KCNT2: variants seen among roughly 807,000 people sequenced by gnomAD.
KCNT2 encodes potassium channel subfamily T member 2.
A neutral mutation model predicts 153.8 loss-of-function variants in KCNT2; 67 were observed. The observed-to-expected ratio is 0.44, with a 90% CI of 0.36 to 0.53. The LOEUF (loss-of-function observed/expected upper bound fraction) is 0.53, where lower values mean the gene tolerates loss of function less well. Among genes scored for constraint, KCNT2 ranks in the 20% least tolerant of loss-of-function variants. The pLI is 0.00. For missense variants in KCNT2, 975 were observed against 1,354.8 expected (o/e 0.72, Z 4.40); for synonymous variants, 500 against 458.8 (o/e 1.09, Z -1.15).
chr1:196,606,746 T>A (rs1217329836), intron 1 of KCNT2, among the ~76,000 whole-genome samples: 20 of 152,172 alleles, frequency 1.3e-4, no homozygotes, highest in Admixed American at 1.3e-3. Flanking sequence ...CAAAGAGGAT[T>A]TCTATTCTAT....
chr1:196,336,462 C>T (rs538489792), intron 16 of KCNT2, among the ~76,000 whole-genome samples: 87 of 152,216 alleles, frequency 5.7e-4, no homozygotes, highest in Admixed American at 2.6e-3. Flanking sequence ...AATTAAGTTC[C>T]ATGGCCTATA....
At chr1:196,555,547 G>T (rs889608836) in intron 1 of KCNT2, among the ~76,000 whole-genome samples, 1 of 151,274 alleles carries the variant, frequency 6.6e-6, no homozygotes, top group African/African-American at 2.4e-5. Context: ...CAGGTTGGAA[G>T]AATCAATATT....
intron 1 of KCNT2, among the ~76,000 whole-genome samples, chr1:196,526,343 T>C (rs4316314): frequency 0.85 from 127,599 of 150,648 alleles, 55,133 homozygotes; most frequent in South Asian, 0.99. Context: ...ACATACACAG[T>C]CCATTCAAAT....
At chr1:196,305,889 G>C (rs916100016) in intron 21 of KCNT2, among the ~76,000 whole-genome samples, 9 of 152,062 alleles carry the variant, frequency 5.9e-5, no homozygotes, top group Admixed American at 3.9e-4. Context: ...CAAGGCTAAA[G>C]CATTGATAGT....
At chr1:196,300,087 CT>C (rs1661037657) in intron 22 of KCNT2, among the ~76,000 whole-genome samples, 1 of 152,256 alleles carries the variant, frequency 6.6e-6, no homozygotes, top group Admixed American at 6.5e-5. Context: ...CTTTCTCAAA[CT>C]TGTATAGGCA....
chr1:196,255,374 A>G (rs182636118), intron 26 of KCNT2, among the ~76,000 whole-genome samples: 4 of 151,762 alleles, frequency 2.6e-5, no homozygotes, highest in African/African-American at 9.7e-5. Context: ...TTGGAGGTGA[A>G]TATATTTTAA....
chr1:196,424,622 T>A (rs1673491291), intron 11 of KCNT2, among the ~76,000 whole-genome samples: 1 of 151,778 alleles, frequency 6.6e-6, no homozygotes, highest in Non-Finnish European at 1.5e-5. Flanking sequence ...CAAAGAAATG[T>A]AATTTTCCAA....
chr1:196,319,883 C>T (rs1333379086), intron 19 of KCNT2, among the ~76,000 whole-genome samples: 1 of 151,614 alleles, frequency 6.6e-6, no homozygotes, highest in Non-Finnish European at 1.5e-5. Context: ...GTTATCCATG[C>T]ACAGGAGGCC....
At chr1:196,257,290 G>C in intron 26 of KCNT2, 1 of 983,718 alleles carries the variant, frequency 1.0e-6, no homozygotes, top group Non-Finnish European at 1.2e-6. Flanking sequence ...CAAAGAAACA[G>C]AGGCAACTTC....
chr1:196,382,869 T>G (rs939243542), intron 13 of KCNT2, among the ~76,000 whole-genome samples: 1 of 152,234 alleles, frequency 6.6e-6, no homozygotes, highest in South Asian at 2.1e-4. Context: ...AACATGAGTT[T>G]ATGGTAACAC....
chr1:196,236,271 C>T (rs112381584), intron 26 of KCNT2, among the ~76,000 whole-genome samples: 3 of 151,232 alleles, frequency 2.0e-5, no homozygotes, highest in South Asian at 2.1e-4. Context: ...ATTTTTTGTT[C>T]CAATAGATGA....
chr1:196,525,802 T>C (rs1023641926), intron 1 of KCNT2, among the ~76,000 whole-genome samples: 3 of 152,186 alleles, frequency 2.0e-5, no homozygotes, highest in African/African-American at 7.2e-5. Flanking sequence ...TAGCGTTTTA[T>C]TATAATGAAA....
chr1:196,263,921 G>T (rs190044948), intron 25 of KCNT2, among the ~76,000 whole-genome samples: 5 of 151,784 alleles, frequency 3.3e-5, no homozygotes, highest in East Asian at 1.9e-4. Context: ...CCTCTTTGAT[G>T]ACTTGGTTTT....
chr1:196,390,201 T>A (rs1001982173), intron 13 of KCNT2, among the ~76,000 whole-genome samples: 4 of 151,604 alleles, frequency 2.6e-5, no homozygotes, highest in Non-Finnish European at 4.4e-5. Flanking sequence ...ATATTGTCAC[T>A]TTTCTAAGTG....
intron 12 of KCNT2, among the ~76,000 whole-genome samples, chr1:196,403,613 T>G (rs1397883784): frequency 2.0e-5 from 3 of 151,372 alleles, no homozygotes; most frequent in Non-Finnish European, 4.4e-5. Flanking sequence ...ATCACAATAA[T>G]GGAAGATGTT....
At chr1:196,560,698 TTC>T (rs869128137) in intron 1 of KCNT2, among the ~76,000 whole-genome samples, 58 of 110,668 alleles carry the variant, frequency 5.2e-4, no homozygotes, top group South Asian at 1.4e-3. Flanking sequence ...ATGATGTTTT[TTC>T]TTCCCCCCTC....
At chr1:196,474,491 T>A (rs905886817) in intron 5 of KCNT2, among the ~76,000 whole-genome samples, 2 of 152,204 alleles carry the variant, frequency 1.3e-5, no homozygotes, top group African/African-American at 4.8e-5. Context: ...GAATCAACAG[T>A]ATCTGGTATT....
intron 14 of KCNT2, among the ~76,000 whole-genome samples, chr1:196,354,104 TTTA>T (rs1558186316): frequency 6.6e-6 from 1 of 151,892 alleles, no homozygotes; most frequent in East Asian, 1.9e-4. Context: ...GAAAGTAGAA[TTTA>T]TTTTTTTTAA....
chr1:196,261,139 A>C (rs1025424785), intron 25 of KCNT2, among the ~76,000 whole-genome samples: 20 of 151,824 alleles, frequency 1.3e-4, no homozygotes, highest in African/African-American at 4.8e-4. Flanking sequence ...TAAACATGCC[A>C]TCATAATCTA....
Sources: gnomAD v4.1 joint callset for allele counts (sites outside exome capture counted in the v4.1 genomes callset) on GRCh38, gnomAD v4.1.1 for gene constraint, MANE v1.5 for transcripts, NCBI Gene and HGNC (gene_info 2026-07-23, HGNC 2026-07-21) for gene names.